Variants in ABCB8 observed in about 807,000 individuals in gnomAD.
ABCB8 encodes ATP binding cassette subfamily B member 8, also known as mitochondrial potassium channel ATP-binding subunit.
In ABCB8, 52 loss-of-function variants were observed where a neutral mutation model predicts 73.0. The ratio of observed to expected loss-of-function variants is 0.71; its 90% CI spans 0.57 to 0.90. The LOEUF is 0.90. ABCB8 is among the 40% of genes least tolerant of loss of function. The probability of loss-of-function intolerance (pLI) is 0.00; values close to 1 mark genes in which losing one functional copy is unlikely to be tolerated. For missense variants in ABCB8, 909 were observed against 974.6 expected (o/e 0.93, Z 0.90); for synonymous variants, 428 against 423.5 (o/e 1.01, Z -0.13).
Position 151,042,025 on chromosome 7 carries a change from A to C in ABCB8, c.1682A>C (p.Asp561Ala), listed in dbSNP as rs1451332190. The C allele has an allele frequency of 6.2e-7, 1 of 1,613,120 alleles. No individual in the cohort carries two copies. The change falls in exon 14 of 16, where the codon GAT (aspartate) becomes GCT (alanine). Residue 561 changes from aspartate to alanine, a missense_variant. By Grantham distance (126) the Asp-to-Ala change is moderately radical (BLOSUM62 -2). Transcript: ENST00000358849. ...NIRFGKLEAS[D>A]EEVYTAAREA... ...CGCTTTGGGAAGCTGGAAGCTTCCG[A>C]TGAAGAGGTGTACACAGCCGCCCGG...
intron 9 of ABCB8, chr7:151,037,436 C>T (rs1224334865): frequency 1.5e-5 from 10 of 664,128 alleles, no homozygotes; most frequent in African/African-American, 3.5e-5. Context: ...CAAAACCACC[C>T]GCTCAGCTGA....
At chr7:151,038,743 G>A (rs1242612674) in intron 9 of ABCB8, 1 of 152,212 alleles carries the variant, frequency 6.6e-6, no homozygotes, top group Non-Finnish European at 1.5e-5. Context: ...CCAGGGGCTT[G>A]TCTGTGCTGT....
intron 8 of ABCB8, 105 bp from the exon 9 acceptor site, chr7:151,036,439 C>G (rs1200644723): frequency 9.2e-7 from 1 of 1,085,344 alleles, no homozygotes; most frequent in African/African-American, 1.6e-5. Context: ...ACGCTGGGAC[C>G]AGTCATGCGC....
At chr7:151,036,996 C>T in intron 9 of ABCB8, 1 of 688,390 alleles carries the variant, frequency 1.5e-6, no homozygotes, top group Non-Finnish European at 2.7e-6. Context: ...GTGTGCAGCT[C>T]ATGGGCAGTG....
At position 151,033,826 on chromosome 7, in the gene ABCB8, C is replaced by T. The variant is rs751363847; in HGVS notation, c.317C>T (p.Ser106Phe). 4.3e-6 allele frequency: 7 copies of T among 1,614,042 alleles called. No homozygotes were observed. The highest frequency in any genetic ancestry group is 5.9e-6 in the Non-Finnish European group (7 of 1,179,968). ...CEAEEAPPAS[S>F]TPHVVGSRFN... ...GCAGAAGAGGCCCCTCCTGCCAGCT[C>T]CACACCCCATGTCGTGGGGTCTCGC... Residue 106 changes from serine to phenylalanine, a missense_variant, in exon 2 of 16, where the codon TCC becomes TTC. Coordinates refer to ENST00000358849, the MANE Select transcript of ABCB8 (RefSeq NM_007188.5).
intron 9 of ABCB8, chr7:151,037,667 T>G: frequency 9.2e-6 from 3 of 326,828 alleles, no homozygotes; most frequent in African/African-American, 4.6e-5. Context: ...CCCCCTGCTC[T>G]TCCACCGGGG....
At position 151,033,760 on chromosome 7, in the gene ABCB8, T is replaced by G. The variant is rs1796228095; in HGVS notation, c.251T>G (p.Leu84Arg). ...GGAGCCCTGCTAGGCCCCATGGTACTGAGTAAGCATCCCCACCTCTGCCTT... is the reference window on the plus strand; with the variant it reads ...GGAGCCCTGCTAGGCCCCATGGTACGGAGTAAGCATCCCCACCTCTGCCTT... ...VGGALLGPMV[L>R]SKHPHLCLVA... Residue 84 changes from leucine to arginine, a missense_variant, in exon 2 of 16, where the codon CTG (leucine) becomes CGG (arginine). Transcript: ENST00000358849. 2 of 1,613,954 alleles carry G rather than the reference T, an allele frequency of 1.2e-6. No homozygotes were observed. Among genetic ancestry groups the G allele is most frequent in the African/African-American group, 2.7e-5 (2 of 74,922 alleles).
intron 1 of ABCB8, chr7:151,028,895 C>T (rs755579280): frequency 6.8e-7 from 1 of 1,479,482 alleles, no homozygotes; most frequent in Non-Finnish European, 9.0e-7. Flanking sequence ...CGGGGGTCCC[C>T]TTTCCTGGCC....
Position 151,042,738 on chromosome 7 carries a change from G to A in ABCB8, c.1765+630G>A, listed in dbSNP as rs573005610. Among the ~76,000 whole-genome samples the A allele has an allele frequency of 8.5e-5, 13 of 152,314 alleles. 1 individual carries two copies. The South Asian group carries it at 2.7e-3, about 32-fold the overall frequency. Reference sequence around the variant, plus strand: ...GCCAGTGTCTTGGCTCTGTTGCACAGTGTTTCAGCACTTCTCAGGATACAG... The same window carrying A: ...GCCAGTGTCTTGGCTCTGTTGCACAATGTTTCAGCACTTCTCAGGATACAG... On this transcript the variant is annotated intron_variant, in intron 14 of 15. Transcript: ENST00000358849.
rs1243716637 is a variant in ABCB8 at position 151,046,154 on chromosome 7, A to C, written c.*805A>C. 1 of 144,790 alleles carries C rather than the reference A, an allele frequency of 6.9e-6. No individual in the cohort carries two copies. The highest frequency in any genetic ancestry group is 1.5e-5 in the Non-Finnish European group (1 of 65,128). The allele number at this position is 144,790 out of a possible 1,614,324, so 9.0% of individuals were successfully genotyped here. A position where few individuals can be genotyped will look rare whatever the true frequency, so the allele number is the denominator to read the frequency against. On this transcript the variant is annotated 3_prime_UTR_variant, in exon 16 of 16. Coordinates refer to ENST00000358849, the MANE Select transcript of ABCB8 (RefSeq NM_007188.5). ...CTTTCACCCACTGAGATTGTGAACC[A>C]GCCTCCATCTACACCAAGAACACCC...
intron 1 of ABCB8, chr7:151,032,834 C>T (rs1302366074): frequency 3.0e-6 from 1 of 333,476 alleles, no homozygotes; most frequent in East Asian, 7.7e-5. Context: ...TTCTCTGTTT[C>T]CTCCTTCAGC....
rs1490120225 is a variant in ABCB8 at position 151,046,281 on chromosome 7, ATCCAGTACAGAATCGG to A, written c.*938_*953del. The A allele has an allele frequency of 6.6e-6, 1 of 152,314 alleles. No individual in the cohort carries two copies. Among genetic ancestry groups the A allele is most frequent in the Non-Finnish European group, 1.5e-5 (1 of 68,092 alleles). 9.4% of individuals were successfully genotyped at this position (152,314 alleles called of 1,614,324 possible). A position where few individuals can be genotyped will look rare whatever the true frequency, so the allele number is the denominator to read the frequency against. ...AGCTAAATGGAGCAGCTACTGCAGA[ATCCAGTACAGAATCGG>A]TCCAGGAGGGTGCGGCTGTGGACAG... is the stretch of plus-strand genomic sequence containing the variant. On this transcript the variant is annotated 3_prime_UTR_variant, in exon 16 of 16. Transcript: ENST00000358849.
At position 151,045,674 on chromosome 7, in the gene ABCB8, T is replaced by C. The variant is rs1796595455; in HGVS notation, c.*325T>C. The C allele has an allele frequency of 3.8e-6, 1 of 263,946 alleles. No homozygotes were observed. Among genetic ancestry groups the C allele is most frequent in the Non-Finnish European group, 7.1e-6 (1 of 140,814 alleles). 16.4% of individuals were successfully genotyped at this position (263,946 alleles called of 1,614,324 possible). On this transcript the variant is annotated 3_prime_UTR_variant, in exon 16 of 16. Transcript: ENST00000358849. ...CCCCTCCAGACCTCTCAAGAGACGT[T>C]CTGGCCAGTCTCCCTGCCCCACCCA...
At chr7:151,041,034 G>A in intron 12 of ABCB8, 65 bp from the exon 13 acceptor site, 4 of 1,612,468 alleles carry the variant, frequency 2.5e-6, no homozygotes, top group Non-Finnish European at 3.4e-6. Context: ...TGCCACAAGG[G>A]GCCTTCTTTC....
chr7:151,035,377 G>T (rs1051652801), intron 5 of ABCB8, among the ~76,000 whole-genome samples: 1 of 152,174 alleles, frequency 6.6e-6, no homozygotes, highest in Non-Finnish European at 1.5e-5. Flanking sequence ...TTCTCGCTCG[G>T]CCCCCTCAGG....
rs569382568 is a variant in ABCB8 at position 151,045,048 on chromosome 7, C to T, written c.2017-161C>T. 9.8e-5 allele frequency among the ~76,000 whole-genome samples: 15 copies of T among 152,310 alleles called. No homozygotes were observed. The South Asian group carries it at 1.4e-3, about 15-fold the overall frequency. ...AGTAACTAATGCAGCATGCCAGTGG[C>T]GGTTCCTTTCAGATTGGGCATTGGT... is the stretch of plus-strand genomic sequence containing the variant. On this transcript the variant is annotated intron_variant, in intron 15 of 15. Coordinates refer to ENST00000358849, the MANE Select transcript of ABCB8 (RefSeq NM_007188.5).
chr7:151,036,540 G>A lies in ABCB8; in HGVS notation c.1112-4G>A. The A allele has an allele frequency of 6.2e-7, 1 of 1,613,278 alleles. No homozygotes were observed. The highest frequency in any genetic ancestry group is 1.1e-5 in the South Asian group (1 of 91,056). ...CGTCCTCCCTCACTTCCCCTCTCCT[G>A]CAGGCATGGTCTTGGGTACCCTATT... On this transcript the variant is annotated splice_polypyrimidine_tract_variant and splice_region_variant and intron_variant, in intron 8 of 15. Transcript: ENST00000358849.
chr7:151,041,186 T>C lies in ABCB8; in HGVS notation c.1571T>C (p.Leu524Pro). 1.2e-6 allele frequency: 2 copies of C among 1,609,018 alleles called. No individual in the cohort carries two copies. The highest frequency in any genetic ancestry group is 8.5e-7 in the Non-Finnish European group (1 of 1,179,866). ...CTGGATGGGCGGGACCTGCGCACCC[T>C]TGACCCCTCCTGGCTCCGGGGCCAG... ...VMLDGRDLRT[L>P]DPSWLRGQVV... The change falls in exon 13 of 16, where the codon CTT becomes CCT. Residue 524 changes from leucine (L) to proline (P), a missense_variant. By Grantham distance (98) the Leu-to-Pro change is moderately conservative. Coordinates refer to ENST00000358849, the MANE Select transcript of ABCB8 (RefSeq NM_007188.5).
At position 151,033,818 on chromosome 7, in the gene ABCB8, T is replaced by G; in HGVS notation, c.309T>G (p.Pro103=). The G allele has an allele frequency of 1.5e-5, 25 of 1,614,056 alleles. No individual in the cohort carries two copies. Among genetic ancestry groups the G allele is most frequent in the Non-Finnish European group, 2.1e-5 (25 of 1,179,970 alleles). The change falls in exon 2 of 16, where the codon CCT becomes CCG. Residue 103 remains proline (P), a synonymous_variant. Transcript: ENST00000358849. The part of the protein sequence containing the change: ...VALCEAEEAP[P]ASSTPHVVGS... ...TGTGTGAGGCAGAAGAGGCCCCTCC[T>G]GCCAGCTCCACACCCCATGTCGTGG...
Sources: allele counts gnomAD v4.1 joint callset (sites outside exome capture counted in the v4.1 genomes callset), GRCh38; gene constraint gnomAD v4.1.1; transcripts MANE v1.5; gene names NCBI Gene and HGNC (gene_info 2026-07-23, HGNC 2026-07-21).